The following NUP93 variants were observed in gnomAD, a reference collection of about 807,000 sequenced individuals.
NUP93 encodes the protein nucleoporin 93.
NUP93 carries 55 observed loss-of-function variants against 107.8 expected under a neutral mutation model. The observed-to-expected ratio is 0.51, with a 90% CI of 0.41 to 0.64. The LOEUF (loss-of-function observed/expected upper bound fraction) is 0.64, where lower values mean the gene tolerates loss of function less well. Among genes scored for constraint, NUP93 ranks in the 30% least tolerant of loss-of-function variants. The pLI, the probability that NUP93 is intolerant of heterozygous loss-of-function variation, is 0.00. For synonymous variants in NUP93, 390 were observed against 397.5 expected (o/e 0.98, Z 0.22); for missense variants, 937 against 1,044.7 (o/e 0.90, Z 1.42).
At chr16:56,768,599 G>A (rs1210619529) in intron 3 of NUP93, among the ~76,000 whole-genome samples, 1 of 151,242 alleles carries the variant, frequency 6.6e-6, no homozygotes, top group African/African-American at 2.4e-5. Flanking sequence ...CAGGTGTGGT[G>A]GCTCACGCCT....
At chr16:56,745,074 C>T (rs1216379777) in intron 1 of NUP93, among the ~76,000 whole-genome samples, 1 of 152,136 alleles carries the variant, frequency 6.6e-6, no homozygotes, top group Non-Finnish European at 1.5e-5. Flanking sequence ...GCAGAGGTGA[C>T]AGACAGTAAA....
At chr16:56,781,221 G>A (rs775913583) in intron 3 of NUP93, among the ~76,000 whole-genome samples, 4 of 152,180 alleles carry the variant, frequency 2.6e-5, no homozygotes, top group Non-Finnish European at 5.9e-5. Context: ...GCATTTTCCT[G>A]TGTCAGTGAC....
chr16:56,821,623 C>T, intron 7 of NUP93, 30 bp downstream of exon 7: 3 of 1,511,048 alleles, frequency 2.0e-6, no homozygotes, highest in Non-Finnish European at 2.8e-6. Flanking sequence ...CAAGTAGAAA[C>T]CGGGGTCCAG....
intron 4 of NUP93, among the ~76,000 whole-genome samples, chr16:56,800,644 G>A (rs985521454): frequency 1.4e-4 from 21 of 152,330 alleles, no homozygotes; most frequent in African/African-American, 5.1e-4. Flanking sequence ...CAAAAAGTGA[G>A]CAACTTTCTG....
At chr16:56,753,090 C>T (rs776359830) in intron 2 of NUP93, among the ~76,000 whole-genome samples, 9 of 152,132 alleles carry the variant, frequency 5.9e-5, no homozygotes, top group Non-Finnish European at 1.2e-4. Context: ...AAACAAAACT[C>T]ATTGATCGCC....
rs780818925 is a variant in NUP93, at chr16:56,823,846, G to A, written c.794G>A (p.Ser265Asn). The change falls in exon 8 of 22, where the codon AGT becomes AAT. Residue 265 changes from serine (S) to asparagine (N), a missense_variant and splice_region_variant. Transcript: ENST00000308159. ...CAGGCCTTGGCGTACCTTGAGCAGA[G>A]GTAAGGCAGCAGTAGCACAGTGGGG... ...VRQALAYLEQ[S>N]YKNYTLVTVF... 2.4e-5 allele frequency: 39 copies of A among 1,613,382 alleles called. No individual in the cohort carries two copies. The highest frequency in any genetic ancestry group is 3.2e-5 in the Non-Finnish European group (38 of 1,179,876).
Position 56,834,399 on chromosome 16 carries a change from T to C in NUP93, c.1694T>C (p.Met565Thr). The C allele has an allele frequency of 6.2e-7, 1 of 1,614,198 alleles. No individual in the cohort carries two copies. Among genetic ancestry groups the C allele is most frequent in the Non-Finnish European group, 8.5e-7 (1 of 1,180,030 alleles). The change falls in exon 15 of 22, where the codon ATG becomes ACG. Residue 565 changes from methionine (M) to threonine (T), a missense_variant. Physicochemically the swap from Met to Thr is moderately conservative, Grantham distance 81. Coordinates refer to ENST00000308159, the MANE Select transcript of NUP93 (RefSeq NM_014669.5). ...GAGAAAGATAGTCAAGGAGAAAACA[T>C]GTTTCTGCGCTGTGTGAGTGAGCTT... is the stretch of plus-strand genomic sequence containing the variant. ...RDEKDSQGEN[M>T]FLRCVSELVI... is the part of the protein sequence containing the mutation.
At chr16:56,737,828 G>A (rs933259943) in intron 1 of NUP93, among the ~76,000 whole-genome samples, 2 of 152,226 alleles carry the variant, frequency 1.3e-5, no homozygotes, top group Non-Finnish European at 2.9e-5. Context: ...CCAGACTTTT[G>A]TTAGAATCCG....
At chr16:56,826,704 CT>C (rs1216370913) in intron 8 of NUP93, among the ~76,000 whole-genome samples, 3 of 151,842 alleles carry the variant, frequency 2.0e-5, no homozygotes, top group Non-Finnish European at 4.4e-5. Context: ...TGTTGTATTT[CT>C]TTTTTCCCCC....
intron 2 of NUP93, among the ~76,000 whole-genome samples, chr16:56,755,053 T>C (rs1961994410): frequency 6.6e-6 from 1 of 152,208 alleles, no homozygotes; most frequent in Non-Finnish European, 1.5e-5. Flanking sequence ...TAAAATGGTA[T>C]AGTTGCTTTG....
chr16:56,818,060 G>C (rs960419445), intron 5 of NUP93, among the ~76,000 whole-genome samples: 2 of 152,144 alleles, frequency 1.3e-5, no homozygotes, highest in African/African-American at 4.8e-5. Flanking sequence ...GGTTGTTTTT[G>C]TTCTTAGGGA....
chr16:56,768,788 A>G (rs1962265333), intron 3 of NUP93, among the ~76,000 whole-genome samples: 1 of 150,242 alleles, frequency 6.7e-6, no homozygotes, highest in African/African-American at 2.5e-5. Flanking sequence ...AATGGTGTGA[A>G]CCCAGGAGGT....
rs181965012 is a variant in NUP93, at chr16:56,839,622, G to A, written c.2220+18G>A. ...GTGATGAAGTAAGTTCCTTCTTCCT[G>A]AGTTGTGGAATTCCTTTTTCCCCAC... On this transcript the variant is annotated intron_variant, in intron 20 of 21. Transcript: ENST00000308159. 1 of 1,589,808 alleles carries A rather than the reference G, an allele frequency of 6.3e-7. No individual in the cohort carries two copies. Among genetic ancestry groups the A allele is most frequent in the Admixed American group, 1.7e-5 (1 of 59,928 alleles).
chr16:56,783,068 TAA>T (rs1469869929), intron 3 of NUP93, among the ~76,000 whole-genome samples: 2 of 152,210 alleles, frequency 1.3e-5, no homozygotes, highest in African/African-American at 4.8e-5. Context: ...ATACCTTGAT[TAA>T]TATCAAAGAT....
At chr16:56,772,306 C>T (rs1174624901) in intron 3 of NUP93, among the ~76,000 whole-genome samples, 1 of 152,180 alleles carries the variant, frequency 6.6e-6, no homozygotes, top group Non-Finnish European at 1.5e-5. Context: ...TATGCACCCA[C>T]CAAAGCTATC....
chr16:56,785,200 G>A (rs936767831), intron 3 of NUP93, among the ~76,000 whole-genome samples: 1 of 152,160 alleles, frequency 6.6e-6, no homozygotes, highest in Admixed American at 6.5e-5. Context: ...TAAAATGTTT[G>A]GTTGGATGAC....
chr16:56,785,210 C>G (rs1962598604), intron 3 of NUP93, among the ~76,000 whole-genome samples: 1 of 152,174 alleles, frequency 6.6e-6, no homozygotes, highest in South Asian at 2.1e-4. Context: ...GGTTGGATGA[C>G]ATGGGGGGTA....
intron 5 of NUP93, among the ~76,000 whole-genome samples, chr16:56,806,893 T>A (rs1963153659): frequency 6.6e-6 from 1 of 152,208 alleles, no homozygotes. Flanking sequence ...TAGAGGCTGC[T>A]GACCACTCTG....
chr16:56,732,197 C>T (rs752897797), intron 1 of NUP93, among the ~76,000 whole-genome samples: 10 of 152,178 alleles, frequency 6.6e-5, no homozygotes, highest in African/African-American at 9.7e-5. Flanking sequence ...TTATATTTCA[C>T]GTATTTTTCT....
Sources: allele counts gnomAD v4.1 joint callset (sites outside exome capture counted in the v4.1 genomes callset), GRCh38; gene constraint gnomAD v4.1.1; transcripts MANE v1.5; gene names NCBI Gene and HGNC (gene_info 2026-07-23, HGNC 2026-07-21).